The following SIGLEC1 variants were observed in gnomAD, a reference collection of about 807,000 sequenced individuals.
The protein encoded by SIGLEC1 is sialic acid binding Ig like lectin 1, also known as sialoadhesin.
Under a neutral mutation model 148.0 loss-of-function variants are expected in SIGLEC1, and 132 were observed. That is an observed-to-expected ratio of 0.89 (90% CI 0.77 to 1.03). The LOEUF is 1.03. Ranked by LOEUF, SIGLEC1 falls within the 50% of genes least tolerant of loss-of-function variation. The pLI is 0.00. For missense variants in SIGLEC1, 2,253 were observed against 2,271.4 expected, an observed-to-expected ratio of 0.99 and a Z score of 0.16; for synonymous variants, 945 against 969.0, an observed-to-expected ratio of 0.98 and a Z score of 0.46.
Position 3,690,824 on chromosome 20 carries a change from C to CTTTTTT in SIGLEC1, c.4591+515_4591+516insAAAAAA, listed in dbSNP as rs200631809. Among the ~76,000 whole-genome samples, 41 of 126,864 alleles carry CTTTTTT rather than the reference C, an allele frequency of 3.2e-4. 1 individual carries two copies. The highest frequency in any genetic ancestry group is 3.7e-4 in the African/African-American group (11 of 29,908). The allele number at this position is 126,864 out of a possible 152,430, so 83.2% of individuals were successfully genotyped here. A position where few individuals can be genotyped will look rare whatever the true frequency, so the allele number is the denominator to read the frequency against. On this transcript the variant is annotated intron_variant, in intron 18 of 21. Coordinates refer to ENST00000344754, the MANE Select transcript of SIGLEC1 (RefSeq NM_023068.4). ...TTCTTTTGGTTTTTTCTCTTCTTTT[C>CTTTTTT]TTTTCTTTTTTTTTTTTTTTTCTTG...
At position 3,701,634 on chromosome 20, in the gene SIGLEC1, A is replaced by T. The variant is rs1199248218; in HGVS notation, c.1236T>A (p.Pro412=). ...GPVSVVVNHP[P]LTPVLTAFLE... ...GGAAGGCTGTCAGGACTGGAGTGAG[A>T]GGCGGGTCTGTGTGGAGACGAGAGG... The change falls in exon 7 of 22, where the codon CCT becomes CCA. Residue 412 remains proline, a synonymous_variant. Transcript: ENST00000344754. 2.6e-6 allele frequency: 4 copies of T among 1,562,334 alleles called. No individual in the cohort carries two copies. The South Asian group carries it at 4.8e-5, about 19-fold the overall frequency.
At chr20:3,689,429 G>A in intron 20 of SIGLEC1, 171 bp downstream of exon 20, 1 of 654,830 alleles carries the variant, frequency 1.5e-6, no homozygotes, top group Non-Finnish European at 2.7e-6. Context: ...CTACAGCAAG[G>A]AGGATTTAGG....
chr20:3,697,555 G>C (rs975324644), intron 9 of SIGLEC1, among the ~76,000 whole-genome samples: 4 of 152,170 alleles, frequency 2.6e-5, no homozygotes, highest in Admixed American at 6.5e-5. Context: ...AGGGAAGGAG[G>C]ACAAGGCAGC....
chr20:3,694,629 T>C (rs1334913367), intron 12 of SIGLEC1, 34 bp downstream of exon 12: 2 of 1,589,516 alleles, frequency 1.3e-6, no homozygotes, highest in Non-Finnish European at 8.6e-7. Flanking sequence ...ACTGCATTCC[T>C]TCCCCCACAC....
Position 3,694,797 on chromosome 20 carries a change from AG to A in SIGLEC1, c.2809del (p.Leu937SerfsTer14). 1 of 1,613,552 alleles carries A rather than the reference AG, an allele frequency of 6.2e-7. No homozygotes were observed. The highest frequency in any genetic ancestry group is 2.2e-5 in the East Asian group (1 of 44,874). On this transcript the variant is annotated frameshift_variant, in exon 12 of 22. Transcript: ENST00000344754. LOFTEE classifies it high-confidence loss of function. ...SYRWYRDGQP[L>X]QESTSATLRF... ...GAGCGTGGCCGAGGTCGACTCCTGG[AG>A]GGGCTGGCCATCCCGATACCAACGA...
chr20:3,701,034 T>C (rs1424914843), intron 7 of SIGLEC1, among the ~76,000 whole-genome samples: 1 of 152,150 alleles, frequency 6.6e-6, no homozygotes, highest in African/African-American at 2.4e-5. Flanking sequence ...TTCCCACATC[T>C]GACTGCTAGC....
At chr20:3,704,680 A>G (rs906340382) in intron 4 of SIGLEC1, among the ~76,000 whole-genome samples, 7 of 152,228 alleles carry the variant, frequency 4.6e-5, no homozygotes, top group African/African-American at 1.7e-4. Context: ...GCAGAGGCAC[A>G]ATCATAGCTC....
At chr20:3,692,487 C>T (rs2088774365) in intron 16 of SIGLEC1, 34 bp downstream of exon 16, 2 of 1,552,574 alleles carry the variant, frequency 1.3e-6, no homozygotes, top group Non-Finnish European at 1.7e-6. Flanking sequence ...CCACCCTCCT[C>T]CTGGGCAGCC....
Position 3,696,129 on chromosome 20 carries a change from T to TATACACACAC in SIGLEC1, c.2683+456_2683+457insGTGTGTGTAT, listed in dbSNP as rs11087599. Among the ~76,000 whole-genome samples the TATACACACAC allele has an allele frequency of 2.8e-3, 394 of 142,504 alleles. 1 individual carries two copies. The highest frequency in any genetic ancestry group is 0.019 in the East Asian group (93 of 4,910). The allele number at this position is 142,504 out of a possible 152,430, so 93.5% of individuals were successfully genotyped here. On this transcript the variant is annotated intron_variant, in intron 11 of 21. Transcript: ENST00000344754. ...AGGATTTTTATAGAGACTATATATA[T>TATACACACAC]ACACACACACAAACACACACACACA... is the stretch of plus-strand genomic sequence containing the variant.
At position 3,706,569 on chromosome 20, in the gene SIGLEC1, A is replaced by T. The variant is rs148159689; in HGVS notation, c.187T>A (p.Tyr63Asn). 2 of 1,612,774 alleles carry T rather than the reference A, an allele frequency of 1.2e-6. No individual in the cohort carries two copies. The highest frequency in any genetic ancestry group is 1.7e-6 in the Non-Finnish European group (2 of 1,179,790). ...DGITAIWYYDYSGQRQVVSHS... is the reference protein window; with the variant it reads ...DGITAIWYYDNSGQRQVVSHS... ...CTCACCACCTGCCGCTGGCCCGAGT[A>T]GTCGTAGTACCAGATGGCCGTGATG... Residue 63 changes from tyrosine (Y) to asparagine (N), a missense_variant, in exon 3 of 22, where the codon TAC (tyrosine) becomes AAC (asparagine). Tyr to Asn is a moderately radical substitution (Grantham distance 143, BLOSUM62 -2). Transcript: ENST00000344754.
chr20:3,709,046 CAAAAAAAAAAAA>C (rs375193019), intron 1 of SIGLEC1, among the ~76,000 whole-genome samples: 3 of 80,040 alleles, frequency 3.7e-5, no homozygotes, highest in African/African-American at 5.0e-5. Flanking sequence ...TCTTCTGTCT[CAAAAAAAAAAAA>C]AAAAAAAAAG....
chr20:3,706,147 G>A, intron 3 of SIGLEC1, 107 bp from the exon 4 acceptor site: 1 of 1,350,670 alleles, frequency 7.4e-7, no homozygotes, highest in Non-Finnish European at 1.0e-6. Flanking sequence ...GGCTTTTAGG[G>A]GAAGGAAAGA....
chr20:3,697,392 CA>C, intron 9 of SIGLEC1, 50 bp from the exon 10 acceptor site: 1 of 1,605,774 alleles, frequency 6.2e-7, no homozygotes, highest in Non-Finnish European at 8.5e-7. Context: ...CCCCAGGAGC[CA>C]GGGGTCCAGC....
At position 3,697,247 on chromosome 20, in the gene SIGLEC1, C is replaced by T. The variant is rs2087809352; in HGVS notation, c.2218G>A (p.Ala740Thr). ...CCATTTCGGAACCAGGAGAAGTTAG[C>T]AGGGCTGCCAGCAGCTTCCCGGCTC... ...NVSREAAGSP[A>T]NFSWFRNGVL... Residue 740 changes from alanine (A) to threonine (T), a missense_variant, in exon 10 of 22, where the codon GCT becomes ACT. By Grantham distance (58) the Ala-to-Thr change is moderately conservative. Coordinates refer to ENST00000344754, the MANE Select transcript of SIGLEC1 (RefSeq NM_023068.4). 2 of 1,614,000 alleles carry T rather than the reference C, an allele frequency of 1.2e-6. No homozygotes were observed. The highest frequency in any genetic ancestry group is 1.1e-5 in the South Asian group (1 of 91,088).
intron 7 of SIGLEC1, 133 bp downstream of exon 7, chr20:3,701,209 C>T: frequency 1.2e-6 from 1 of 823,326 alleles, no homozygotes; most frequent in Non-Finnish European, 1.9e-6. Context: ...CTGCACAGCC[C>T]CTGTCTTTTA....
At chr20:3,695,680 T>C (rs372616013) in intron 11 of SIGLEC1, among the ~76,000 whole-genome samples, 41 of 152,176 alleles carry the variant, frequency 2.7e-4, no homozygotes, top group African/African-American at 9.7e-4. Context: ...TAAGAAAAGA[T>C]ACACAGAACC....
intron 9 of SIGLEC1, 87 bp downstream of exon 9, chr20:3,697,711 G>A (rs2087814682): frequency 7.7e-7 from 1 of 1,291,002 alleles, no homozygotes; most frequent in Non-Finnish European, 1.1e-6. Flanking sequence ...GCACAGAGTG[G>A]TTTTGCCTGA....
rs575498969 is a variant in SIGLEC1 at position 3,688,450 on chromosome 20, T to A, written c.*110A>T. Reference sequence around the variant, plus strand: ...CATAAAAAGTCAGATGTCACAGAGCTGTTTTCGTAGAGGCGGGCAGGACTC... The same window carrying A: ...CATAAAAAGTCAGATGTCACAGAGCAGTTTTCGTAGAGGCGGGCAGGACTC... On this transcript the variant is annotated 3_prime_UTR_variant, in exon 22 of 22. Coordinates refer to ENST00000344754, the MANE Select transcript of SIGLEC1 (RefSeq NM_023068.4). 5.7e-5 allele frequency: 53 copies of A among 931,092 alleles called. No individual in the cohort carries two copies. In the South Asian group the frequency reaches 6.9e-4, roughly 12 times the overall value. 57.7% of individuals were successfully genotyped at this position (931,092 alleles called of 1,614,324 possible).
rs1273887993 is a variant in SIGLEC1, at chr20:3,688,586, A to T, written c.5104T>A (p.Ser1702Thr). 1 of 1,603,144 alleles carries T rather than the reference A, an allele frequency of 6.2e-7. No individual in the cohort carries two copies. The highest frequency in any genetic ancestry group is 1.7e-5 in the Admixed American group (1 of 58,742). The stretch of plus-strand genomic sequence containing the variant: ...CAGCCCAGGGGTGGGGCACAGGTTG[A>T]GGTCTCACATGTGGCTGCATCAGGA... ...IDPDAATCETSTCAPPLG is the reference protein window; with the variant it reads ...IDPDAATCETTTCAPPLG The change falls in exon 22 of 22, where the codon TCA becomes ACA. Residue 1702 changes from serine (S) to threonine (T), a missense_variant. By Grantham distance (58) the Ser-to-Thr change is moderately conservative. Transcript: ENST00000344754.
Sources: allele counts gnomAD v4.1 joint callset (sites outside exome capture counted in the v4.1 genomes callset), GRCh38; gene constraint gnomAD v4.1.1; transcripts MANE v1.5; gene names NCBI Gene and HGNC (gene_info 2026-07-23, HGNC 2026-07-21).